CARMIL1: variants seen among roughly 807,000 people sequenced by gnomAD.
The protein encoded by CARMIL1 is F-actin-uncapping protein LRRC16A.
Under a neutral mutation model 177.1 loss-of-function variants are expected in CARMIL1, and 90 were observed. The ratio of observed to expected loss-of-function variants is 0.51; its 90% CI spans 0.43 to 0.61. The LOEUF (loss-of-function observed/expected upper bound fraction) is 0.61, where lower values mean the gene tolerates loss of function less well. Among genes scored for constraint, CARMIL1 ranks in the 20% least tolerant of loss-of-function variants. The pLI is 0.00. For missense variants in CARMIL1, 1,380 were observed against 1,667.0 expected (o/e 0.83, Z 3.00); for synonymous variants, 577 against 606.2 (o/e 0.95, Z 0.71).
At chr6:25,477,117 C>G (rs1449800498) in intron 11 of CARMIL1, among the ~76,000 whole-genome samples, 1 of 144,242 alleles carries the variant, frequency 6.9e-6, no homozygotes. Context: ...AAACAAACAA[C>G]AACAAAAAAA....
intron 2 of CARMIL1, among the ~76,000 whole-genome samples, chr6:25,354,219 A>G (rs1788358331): frequency 6.6e-6 from 1 of 151,090 alleles, no homozygotes; most frequent in African/African-American, 2.4e-5. Context: ...GGGTGCAGTG[A>G]TGTGATCATA....
At chr6:25,315,065 C>T (rs1328424831) in intron 2 of CARMIL1, among the ~76,000 whole-genome samples, 2 of 152,180 alleles carry the variant, frequency 1.3e-5, no homozygotes, top group Non-Finnish European at 2.9e-5. Flanking sequence ...TTAATCCTCA[C>T]AGTAACTGTG....
chr6:25,592,046 T>G (rs74867647), intron 31 of CARMIL1, among the ~76,000 whole-genome samples: 1,911 of 152,276 alleles, frequency 0.013, 38 homozygotes, highest in African/African-American at 0.041. Context: ...TTTGTTTTTT[T>G]TTTGTTTGTT....
intron 35 of CARMIL1, 39 bp from the exon 36 acceptor site, chr6:25,610,011 T>C (rs1249984308): frequency 1.9e-6 from 3 of 1,590,256 alleles, no homozygotes; most frequent in Non-Finnish European, 2.6e-6. Context: ...GGAATCCAGT[T>C]TGTGGAACAG....
Position 25,539,956 on chromosome 6 carries a change from A to C in CARMIL1, c.2206A>C (p.Asn736His), listed in dbSNP as rs1396450921. 1 of 1,582,738 alleles carries C rather than the reference A, an allele frequency of 6.3e-7. No individual in the cohort carries two copies. Among genetic ancestry groups the C allele is most frequent in the Non-Finnish European group, 8.6e-7 (1 of 1,169,226 alleles). ...TTTATTTCTCTTACAGTTGTTACCA[A>C]ATTTATACCATGTTGGTGGTGCATC... ...DAKNSKTLLP[N>H]LYHVGGASWA... The change falls in exon 26 of 37, where the codon AAT becomes CAT. Residue 736 changes from asparagine (N) to histidine (H), a missense_variant. Transcript: ENST00000329474.
intron 17 of CARMIL1, among the ~76,000 whole-genome samples, chr6:25,508,162 CATG>C (rs1805108267): frequency 6.6e-6 from 1 of 152,080 alleles, no homozygotes; most frequent in South Asian, 2.1e-4. Context: ...GTACAGGTGT[CATG>C]ATGAGATAGG....
At chr6:25,387,436 G>T (rs10946767) in intron 2 of CARMIL1, among the ~76,000 whole-genome samples, 1 of 152,136 alleles carries the variant, frequency 6.6e-6, no homozygotes, top group Non-Finnish European at 1.5e-5. Flanking sequence ...ACAGTTTCTA[G>T]TTCAAGACAA....
intron 17 of CARMIL1, among the ~76,000 whole-genome samples, chr6:25,501,598 G>A (rs756248829): frequency 4.6e-5 from 7 of 152,152 alleles, no homozygotes; most frequent in Non-Finnish European, 7.4e-5. Flanking sequence ...TCAGCCCTTT[G>A]TGATCTTGAT....
At chr6:25,321,327 G>T (rs1338888901) in intron 2 of CARMIL1, among the ~76,000 whole-genome samples, 1 of 152,164 alleles carries the variant, frequency 6.6e-6, no homozygotes, top group African/African-American at 2.4e-5. Flanking sequence ...GACTTGTAGG[G>T]ACATACAGGT....
chr6:25,484,877 G>C (rs918416892), intron 12 of CARMIL1, among the ~76,000 whole-genome samples: 3 of 152,038 alleles, frequency 2.0e-5, no homozygotes, highest in Admixed American at 6.6e-5. Flanking sequence ...TAAGATAAAG[G>C]TGGTTTTTAA....
At chr6:25,492,077 A>G (rs1459449431) in intron 15 of CARMIL1, 53 bp downstream of exon 15, 4 of 1,479,894 alleles carry the variant, frequency 2.7e-6, no homozygotes, top group Non-Finnish European at 3.8e-6. Context: ...TCTTCTGAGA[A>G]AAGTTGTAGT....
chr6:25,320,094 G>A (rs1222366037), intron 2 of CARMIL1, among the ~76,000 whole-genome samples: 1 of 152,176 alleles, frequency 6.6e-6, no homozygotes, highest in African/African-American at 2.4e-5. Context: ...GGTGTTAATT[G>A]TGGTAGTTTA....
At chr6:25,335,231 T>C (rs1216335483) in intron 2 of CARMIL1, among the ~76,000 whole-genome samples, 2 of 152,224 alleles carry the variant, frequency 1.3e-5, no homozygotes, top group African/African-American at 4.8e-5. Flanking sequence ...CCAGTTCTTG[T>C]ATATTACTAA....
At chr6:25,390,883 G>A (rs1792748204) in intron 2 of CARMIL1, among the ~76,000 whole-genome samples, 2 of 152,068 alleles carry the variant, frequency 1.3e-5, no homozygotes, top group African/African-American at 4.8e-5. Context: ...TGTACTTTTA[G>A]TAGAGATGGG....
At position 25,387,010 on chromosome 6, in the gene CARMIL1, A is replaced by G. The variant is rs552070580; in HGVS notation, c.139-33104A>G. Among the ~76,000 whole-genome samples the G allele has an allele frequency of 3.3e-5, 5 of 151,230 alleles. No homozygotes were observed. In the South Asian group the frequency reaches 8.4e-4, roughly 25 times the overall value. On this transcript the variant is annotated intron_variant, in intron 2 of 36. Coordinates refer to ENST00000329474, the MANE Select transcript of CARMIL1 (RefSeq NM_017640.6). ...CCAGGCATGATGGCCGGTGCCTGTA[A>G]TCTCAGCTACTTAGGAGCCTGAGGC...
chr6:25,382,871 G>A (rs1048815098), intron 2 of CARMIL1, among the ~76,000 whole-genome samples: 1 of 152,216 alleles, frequency 6.6e-6, no homozygotes, highest in African/African-American at 2.4e-5. Context: ...CCTCTCACAA[G>A]TGATCTGCCT....
At chr6:25,393,785 A>G (rs1387395362) in intron 2 of CARMIL1, among the ~76,000 whole-genome samples, 1 of 151,072 alleles carries the variant, frequency 6.6e-6, no homozygotes, top group Non-Finnish European at 1.5e-5. Context: ...TGAACCCAGG[A>G]GTTGGAGGCT....
chr6:25,470,035 A>T (rs1582062087), intron 9 of CARMIL1, among the ~76,000 whole-genome samples: 1 of 152,304 alleles, frequency 6.6e-6, no homozygotes, highest in East Asian at 1.9e-4. Flanking sequence ...ACTCATTTTA[A>T]TTGTTGTAAT....
At chr6:25,426,788 C>T (rs936359374) in intron 4 of CARMIL1, among the ~76,000 whole-genome samples, 16 of 152,170 alleles carry the variant, frequency 1.1e-4, no homozygotes, top group South Asian at 6.2e-4. Flanking sequence ...TTATGATAAC[C>T]GGCAGTGTAA....
Sources: allele counts gnomAD v4.1 joint callset (sites outside exome capture counted in the v4.1 genomes callset), GRCh38; gene constraint gnomAD v4.1.1; transcripts MANE v1.5; gene names NCBI Gene and HGNC (gene_info 2026-07-23, HGNC 2026-07-21).